COL6A5: variants seen among roughly 807,000 people sequenced by gnomAD.
COL6A5 encodes collagen alpha-5(VI) chain.
In COL6A5, 48 loss-of-function variants were observed where a neutral mutation model predicts 65.6. The ratio of observed to expected loss-of-function variants is 0.73; its 90% CI spans 0.58 to 0.93. The LOEUF is 0.93. Among genes scored for constraint, COL6A5 ranks in the 40% least tolerant of loss-of-function variants. The pLI is 0.00. For missense variants in COL6A5, 914 were observed against 928.3 expected (o/e 0.98, Z 0.20); for synonymous variants, 291 against 322.8 (o/e 0.90, Z 1.05).
At chr3:130,392,285 G>A (rs764400875) in intron 7 of COL6A5, among the ~76,000 whole-genome samples, 1 of 152,192 alleles carries the variant, frequency 6.6e-6, no homozygotes, top group Non-Finnish European at 1.5e-5. Flanking sequence ...CCTGTGCAGA[G>A]GGCAGGATAT....
At chr3:130,436,644 A>G (rs1334189881) in intron 1 of COL6A5, among the ~76,000 whole-genome samples, 1 of 151,992 alleles carries the variant, frequency 6.6e-6, no homozygotes, top group Non-Finnish European at 1.5e-5. Context: ...ACTTATTTGC[A>G]GTATACAACA....
chr3:130,379,119 G>T (rs541339034), intron 3 of COL6A5, among the ~76,000 whole-genome samples: 3 of 152,142 alleles, frequency 2.0e-5, no homozygotes, highest in Non-Finnish European at 4.4e-5. Flanking sequence ...TGGTGGTGGT[G>T]ATCATACAAG....
chr3:130,429,013 T>C (rs1323008151), upstream of COL6A5, among the ~76,000 whole-genome samples: 1 of 152,210 alleles, frequency 6.6e-6, no homozygotes, highest in African/African-American at 2.4e-5. Context: ...AGATGCTGTT[T>C]TGCTCAGGAG....
intron 7 of COL6A5, among the ~76,000 whole-genome samples, chr3:130,481,074 T>C (rs1436532320): frequency 3.3e-5 from 5 of 151,986 alleles, no homozygotes; most frequent in Non-Finnish European, 7.4e-5. Context: ...TCCTTTAAGT[T>C]CTGGGATACA....
intron 29 of COL6A5, among the ~76,000 whole-genome samples, chr3:130,425,906 A>T (rs1937593382): frequency 6.6e-6 from 1 of 152,216 alleles, no homozygotes; most frequent in Non-Finnish European, 1.5e-5. Flanking sequence ...TCCTCTAAGT[A>T]TTACATCTTT....
chr3:130,369,751 C>T (rs555709953), intron 1 of COL6A5, among the ~76,000 whole-genome samples: 7 of 152,254 alleles, frequency 4.6e-5, no homozygotes, highest in Admixed American at 3.3e-4. Context: ...CTTTAGCCCC[C>T]ATCTCTATGT....
intron 7 of COL6A5, among the ~76,000 whole-genome samples, chr3:130,481,974 A>T (rs1019764247): frequency 6.6e-6 from 1 of 151,454 alleles, no homozygotes; most frequent in African/African-American, 2.4e-5. Flanking sequence ...GATTGCAAAA[A>T]TTTTCTCCCA....
chr3:130,363,460 C>G (rs1052283523), intron 1 of COL6A5, among the ~76,000 whole-genome samples: 1 of 152,170 alleles, frequency 6.6e-6, no homozygotes, highest in African/African-American at 2.4e-5. Flanking sequence ...CTCATCCTCT[C>G]TTCCACCACT....
At chr3:130,463,349 T>C (rs958473456) in intron 5 of COL6A5, among the ~76,000 whole-genome samples, 3 of 152,060 alleles carry the variant, frequency 2.0e-5, no homozygotes, top group African/African-American at 7.2e-5. Flanking sequence ...ACTGGATAAC[T>C]CATGCATATC....
At chr3:130,450,990 G>T (rs1174728674) in intron 4 of COL6A5, among the ~76,000 whole-genome samples, 1 of 152,116 alleles carries the variant, frequency 6.6e-6, no homozygotes, top group African/African-American at 2.4e-5. Flanking sequence ...CGCTGAGATG[G>T]GGTTAGAACA....
At chr3:130,465,973 C>T (rs2107611055) in intron 5 of COL6A5, among the ~76,000 whole-genome samples, 1 of 151,924 alleles carries the variant, frequency 6.6e-6, no homozygotes, top group East Asian at 1.9e-4. Flanking sequence ...AACTTGAAAA[C>T]ATAGCAATAG....
intron 20 of COL6A5, among the ~76,000 whole-genome samples, chr3:130,412,020 C>T (rs1293371525): frequency 2.6e-5 from 4 of 152,076 alleles, no homozygotes; most frequent in Non-Finnish European, 5.9e-5. Context: ...TAAGACAATC[C>T]AAGACATTGT....
chr3:130,418,903 T>C, exon 25 of COL6A5: 1 of 1,550,710 alleles, frequency 6.4e-7, no homozygotes, highest in South Asian at 1.2e-5. Context: ...CTAGGGCCAG[T>C]GGGGCAAACT....
intron 3 of COL6A5, among the ~76,000 whole-genome samples, chr3:130,442,083 G>T (rs1380625333): frequency 6.6e-6 from 1 of 152,058 alleles, no homozygotes; most frequent in Non-Finnish European, 1.5e-5. Flanking sequence ...TCCAATAATT[G>T]CCCTCTTGGG....
intron 4 of COL6A5, among the ~76,000 whole-genome samples, chr3:130,380,472 G>C (rs1004187191): frequency 6.6e-6 from 1 of 151,442 alleles, no homozygotes; most frequent in African/African-American, 2.4e-5. Context: ...CTCCCTCTCT[G>C]TCTTCCTTTC....
In COL6A5 at chr3:130,385,245, C is replaced by T. The variant is rs201277707; in HGVS notation, c.1742C>T (p.Ala581Val). The T allele has an allele frequency of 1.7e-3, 2,645 of 1,550,834 alleles. 10 individuals are homozygous for T. The highest frequency in any genetic ancestry group is 9.4e-3 in the South Asian group (794 of 84,028). Residue 581 changes from alanine (A) to valine (V), a missense_variant and NMD_transcript_variant, in exon 5 of 42, where the codon GCT becomes GTT. Physicochemically the swap from Ala to Val is moderately conservative, Grantham distance 64. Transcript: ENST00000312481. ...GTTCATGCAGTTGGCATTGGGGCAGCTAATAAAATAGAACTGCAAGAAATT... is the reference window on the plus strand; with the variant it reads ...GTTCATGCAGTTGGCATTGGGGCAGTTAATAAAATAGAACTGCAAGAAATT...
At chr3:130,469,051 C>T (rs1709885908) in exon 6 of COL6A5, 4 of 1,612,808 alleles carry the variant, frequency 2.5e-6, no homozygotes, top group South Asian at 1.1e-5. Flanking sequence ...ATATGCCTAA[C>T]ACTGAAGAAT....
chr3:130,391,062 G>C (rs1936379083), intron 6 of COL6A5, 117 bp from the exon 7 acceptor site: 5 of 718,948 alleles, frequency 7.0e-6, no homozygotes, highest in Non-Finnish European at 1.2e-5. Flanking sequence ...AACTAAGTGA[G>C]ATATAGTGTC....
chr3:130,432,045 T>C (rs1937840830), intron 1 of COL6A5, 96 bp downstream of exon 33: 1 of 1,307,120 alleles, frequency 7.7e-7, no homozygotes, highest in Non-Finnish European at 1.0e-6. Context: ...GAAATATATG[T>C]GGCCTCTTGA....
Sources: allele counts gnomAD v4.1 joint callset (sites outside exome capture counted in the v4.1 genomes callset), GRCh38; gene constraint gnomAD v4.1.1; transcripts MANE v1.5; gene names NCBI Gene and HGNC (gene_info 2026-07-23, HGNC 2026-07-21).